The following GOLGB1 variants were observed in gnomAD, a reference collection of about 807,000 sequenced individuals.
GOLGB1 encodes the protein golgin subfamily B member 1.
GOLGB1 carries 174 observed loss-of-function variants against 336.9 expected under a neutral mutation model. The observed-to-expected ratio is 0.52, with a 90% confidence interval of 0.46 to 0.59. The LOEUF (loss-of-function observed/expected upper bound fraction) is 0.59, where lower values mean the gene tolerates loss of function less well. Ranked by LOEUF, GOLGB1 falls within the 20% of genes least tolerant of loss-of-function variation. GOLGB1 has a pLI of 0.00. For synonymous variants in GOLGB1, 1,208 were observed against 1,289.2 expected (o/e 0.94, Z 1.35); for missense variants, 3,331 against 3,645.3 (o/e 0.91, Z 2.22).
At chr3:121,681,379 G>A (rs1246498622) in intron 15 of GOLGB1, among the ~76,000 whole-genome samples, 1 of 152,172 alleles carries the variant, frequency 6.6e-6, no homozygotes, top group Non-Finnish European at 1.5e-5. Context: ...TTGTGGTGAT[G>A]GAGTAGCTCT....
At position 121,694,462 on chromosome 3, in the gene GOLGB1, C is replaced by G. The variant is rs146375559; in HGVS notation, c.6061G>C (p.Glu2021Gln). Residue 2021 changes from glutamate to glutamine, a missense_variant, in exon 13 of 22, where the codon GAA (glutamate) becomes CAA (glutamine). Physicochemically the swap from Glu to Gln is conservative, Grantham distance 29. Coordinates refer to ENST00000614479, the MANE Select transcript of GOLGB1 (RefSeq NM_001366282.2). ...HAKELQELLK[E>Q]KQQEVKQLQK... is the part of the protein sequence containing the mutation. ...AGCTGCTTTACTTCTTGTTGTTTTT[C>G]TTTTAACAGTTCCTGAAGTTCCTTT... The G allele has an allele frequency of 6.2e-7, 1 of 1,612,322 alleles. No individual in the cohort carries two copies. The highest frequency in any genetic ancestry group is 8.5e-7 in the Non-Finnish European group (1 of 1,179,792).
At chr3:121,735,272 A>G (rs1292335132) in intron 1 of GOLGB1, among the ~76,000 whole-genome samples, 1 of 152,232 alleles carries the variant, frequency 6.6e-6, no homozygotes, top group African/African-American at 2.4e-5. Context: ...AAGAGCAAAC[A>G]TAATTGTATA....
chr3:121,716,773 C>CCT lies in GOLGB1; in HGVS notation c.1251_1252insAG (p.Ala418ArgfsTer27). The CCT allele has an allele frequency of 6.2e-7, 1 of 1,613,384 alleles. No individual in the cohort carries two copies. Among genetic ancestry groups the CCT allele is most frequent in the Non-Finnish European group, 8.5e-7 (1 of 1,179,426 alleles). On this transcript the variant is annotated frameshift_variant, in exon 9 of 22. Transcript: ENST00000614479. LOFTEE classifies it high-confidence loss of function. ...TGAATGGTCTGGGCTGACTGAACTGCTTGCTCATTCTTATCTTGGAGAAGC... is the reference window on the plus strand; with the variant it reads ...TGAATGGTCTGGGCTGACTGAACTGCCTTTGCTCATTCTTATCTTGGAGAAGC...
chr3:121,716,787 TC>T lies in GOLGB1; in HGVS notation c.1237del (p.Asp413IlefsTer31). 6.2e-7 allele frequency: 1 copy of T among 1,613,784 alleles called. No homozygotes were observed. The highest frequency in any genetic ancestry group is 8.5e-7 in the Non-Finnish European group (1 of 1,179,686). On this transcript the variant is annotated frameshift_variant, in exon 9 of 22. Transcript: ENST00000614479. LOFTEE classifies it high-confidence loss of function. ...LKDQNSKLLQDKNEQAVQSAQ... is the reference protein window; with the variant it reads ...LKDQNSKLLQXKNEQAVQSAQ... ...TGACTGAACTGCTTGCTCATTCTTA[TC>T]TTGGAGAAGCTTTGAATTTTGATCC...
chr3:121,748,918 G>C, intron 1 of GOLGB1: 1 of 984,966 alleles, frequency 1.0e-6, no homozygotes, highest in Non-Finnish European at 1.2e-6. Context: ...CATTCCGGTT[G>C]TGCAGATTAA....
At chr3:121,743,873 A>G (rs1333818173) in intron 1 of GOLGB1, among the ~76,000 whole-genome samples, 1 of 152,194 alleles carries the variant, frequency 6.6e-6, no homozygotes, top group Non-Finnish European at 1.5e-5. Context: ...ACATTCTAAT[A>G]AATTTTAATT....
At position 121,692,403 on chromosome 3, in the gene GOLGB1, T is replaced by C; in HGVS notation, c.6961A>G (p.Ser2321Gly). The C allele has an allele frequency of 6.2e-7, 1 of 1,612,902 alleles. No individual in the cohort carries two copies. The highest frequency in any genetic ancestry group is 8.5e-7 in the Non-Finnish European group (1 of 1,179,714). Reference sequence around the variant, plus strand: ...AAATCAGTCAACTGGTCTTTGAGACTCTTAAGTTCTGATTCCAACTTAGCT... The same window carrying C: ...AAATCAGTCAACTGGTCTTTGAGACCCTTAAGTTCTGATTCCAACTTAGCT... ...ELAKLESELK[S>G]LKDQLTDLSN... The change falls in exon 14 of 22, where the codon AGT (serine) becomes GGT (glycine). Residue 2321 changes from serine to glycine, a missense_variant. By Grantham distance (56) the Ser-to-Gly change is moderately conservative (BLOSUM62 0). Transcript: ENST00000614479.
intron 15 of GOLGB1, among the ~76,000 whole-genome samples, 159 bp from the exon 16 acceptor site, chr3:121,677,609 G>T (rs1400808060): frequency 6.6e-6 from 1 of 152,174 alleles, no homozygotes; most frequent in East Asian, 1.9e-4. Context: ...GAGAAAATGT[G>T]GGGGAAAAAA....
intron 10 of GOLGB1, among the ~76,000 whole-genome samples, chr3:121,710,258 T>C (rs762168544): frequency 1.3e-5 from 2 of 151,918 alleles, no homozygotes; most frequent in Non-Finnish European, 2.9e-5. Context: ...ACCGAAATAA[T>C]ACCAATCACA....
intron 17 of GOLGB1, among the ~76,000 whole-genome samples, chr3:121,674,511 AC>A (rs762379661): frequency 6.6e-6 from 1 of 152,238 alleles, no homozygotes; most frequent in Non-Finnish European, 1.5e-5. Context: ...TTTTCAATCT[AC>A]AGTTAGTTAA....
At position 121,690,864 on chromosome 3, in the gene GOLGB1, T is replaced by C. The variant is rs776084707; in HGVS notation, c.8500A>G (p.Asn2834Asp). The change falls in exon 14 of 22, where the codon AAC (asparagine) becomes GAC (aspartate). Residue 2834 changes from asparagine (N) to aspartate (D), a missense_variant. Physicochemically the swap from Asn to Asp is conservative, Grantham distance 23. Transcript: ENST00000614479. ...GCCTTGGAAAAGGACTGCACTTGGT[T>C]ATAAGAATCTTCTAGTTGTGAGGAC... ...HLSSQLEDSY[N>D]QVQSFSKAMA... 6.2e-7 allele frequency: 1 copy of C among 1,614,084 alleles called. No homozygotes were observed.
chr3:121,722,855 AT>A (rs1243006342), intron 5 of GOLGB1, among the ~76,000 whole-genome samples: 1 of 152,212 alleles, frequency 6.6e-6, no homozygotes, highest in Non-Finnish European at 1.5e-5. Flanking sequence ...CAGCTGGCCA[AT>A]TTTAGAATAG....
chr3:121,676,366 A>G (rs1940377382), intron 17 of GOLGB1, among the ~76,000 whole-genome samples: 1 of 152,178 alleles, frequency 6.6e-6, no homozygotes, highest in African/African-American at 2.4e-5. Context: ...AAGCTTACGC[A>G]CACACACACT....
intron 20 of GOLGB1, among the ~76,000 whole-genome samples, chr3:121,665,771 G>C (rs1938528115): frequency 6.6e-6 from 1 of 152,306 alleles, no homozygotes; most frequent in African/African-American, 2.4e-5. Context: ...GGGAAGAGAG[G>C]ATGAAACTCT....
At chr3:121,727,291 CACATATATAT>C (rs1332690688) in intron 4 of GOLGB1, among the ~76,000 whole-genome samples, 4 of 51,148 alleles carry the variant, frequency 7.8e-5, no homozygotes, top group South Asian at 7.8e-4. Context: ...TACACACACA[CACATATATAT>C]ATATATATAT....
At chr3:121,672,096 T>C (rs1388165317) in intron 17 of GOLGB1, among the ~76,000 whole-genome samples, 1 of 152,254 alleles carries the variant, frequency 6.6e-6, no homozygotes, top group Non-Finnish European at 1.5e-5. Flanking sequence ...AGTGCTCCAA[T>C]AAACATGGGA....
chr3:121,716,649 C>A (rs1388402207), intron 9 of GOLGB1, 88 bp downstream of exon 9: 1 of 1,100,496 alleles, frequency 9.1e-7, no homozygotes, highest in Non-Finnish European at 1.3e-6. Context: ...GGTTTGAGTA[C>A]AGATTTCATT....
chr3:121,685,931 T>G (rs1287400516), intron 14 of GOLGB1, among the ~76,000 whole-genome samples: 3 of 152,122 alleles, frequency 2.0e-5, no homozygotes, highest in African/African-American at 7.2e-5. Context: ...ATCCACTCAC[T>G]CCTCTAGTCT....
At chr3:121,686,673 A>T (rs1941770410) in intron 14 of GOLGB1, among the ~76,000 whole-genome samples, 1 of 152,156 alleles carries the variant, frequency 6.6e-6, no homozygotes, top group African/African-American at 2.4e-5. Flanking sequence ...ATACACACAC[A>T]CACACACACA....
Sources: allele counts gnomAD v4.1 joint callset (sites outside exome capture counted in the v4.1 genomes callset), GRCh38; gene constraint gnomAD v4.1.1; transcripts MANE v1.5; gene names NCBI Gene and HGNC (gene_info 2026-07-23, HGNC 2026-07-21).